The following DNAH7 variants were observed in gnomAD, a reference collection of about 807,000 sequenced individuals.
The protein encoded by DNAH7 is axonemal beta dynein heavy chain 7.
Under a neutral mutation model 444.6 loss-of-function variants are expected in DNAH7, and 397 were observed. That is an observed-to-expected ratio of 0.89 (90% CI 0.82 to 0.97). DNAH7 has a LOEUF of 0.97. DNAH7 is among the 50% of genes least tolerant of loss of function. The probability of loss-of-function intolerance (pLI) is 0.00; values close to 1 mark genes in which losing one functional copy is unlikely to be tolerated. For synonymous variants in DNAH7, 1,636 were observed against 1,624.4 expected (o/e 1.01, Z -0.17); for missense variants, 4,902 against 4,800.8 (o/e 1.02, Z -0.62).
chr2:195,820,454 A>C (rs1306996131), intron 49 of DNAH7, among the ~76,000 whole-genome samples: 1 of 150,726 alleles, frequency 6.6e-6, no homozygotes, highest in African/African-American at 2.5e-5. Flanking sequence ...CCAGAACTTA[A>C]AGTAAAATTA....
At chr2:195,847,059 C>CATATATATATAT in intron 46 of DNAH7, among the ~76,000 whole-genome samples, 1 of 139,708 alleles carries the variant, frequency 7.2e-6, no homozygotes. Context: ...TATAAACTCC[C>CATATATATATAT]ATATATATAT....
Position 195,778,669 on chromosome 2 carries a change from T to TATATATAC in DNAH7, c.10879-685_10879-684insGTATATAT, listed in dbSNP as rs1446625777. ...ATATATATATATATATATATATATATACACACACACACATATATATACACA... is the reference window on the plus strand; with the variant it reads ...ATATATATATATATATATATATATATATATATACACACACACACACATATATATACACA... On this transcript the variant is annotated intron_variant, in intron 58 of 64. Transcript: ENST00000312428. Among the ~76,000 whole-genome samples the TATATATAC allele has an allele frequency of 2.2e-4, 14 of 64,064 alleles. 1 individual carries two copies. Among genetic ancestry groups the TATATATAC allele is most frequent in the Non-Finnish European group, 3.2e-4 (12 of 37,460 alleles). The allele number at this position is 64,064 out of a possible 152,430, so 42.0% of individuals were successfully genotyped here.
At chr2:195,899,027 T>C (rs190853542) in intron 28 of DNAH7, among the ~76,000 whole-genome samples, 114 of 152,310 alleles carry the variant, frequency 7.5e-4, no homozygotes, top group Admixed American at 1.4e-3. Context: ...ATAAATGCCA[T>C]ATTCTCACTT....
intron 8 of DNAH7, among the ~76,000 whole-genome samples, chr2:196,021,409 T>C (rs576313756): frequency 6.6e-6 from 1 of 152,278 alleles, no homozygotes; most frequent in East Asian, 1.9e-4. Context: ...ACCACCCCCA[T>C]AAGGCAAATA....
intron 19 of DNAH7, among the ~76,000 whole-genome samples, chr2:195,939,071 T>A (rs1439404539): frequency 6.6e-6 from 1 of 152,084 alleles, no homozygotes; most frequent in Non-Finnish European, 1.5e-5. Context: ...ATAAAAGCCC[T>A]CTCTCAAAAT....
At chr2:196,023,411 G>GA (rs1413160492) in intron 8 of DNAH7, among the ~76,000 whole-genome samples, 2 of 152,156 alleles carry the variant, frequency 1.3e-5, no homozygotes, top group Non-Finnish European at 2.9e-5. Flanking sequence ...GGCAACATAA[G>GA]AACTGCTTAA....
chr2:196,037,448 G>C (rs1231206579), intron 5 of DNAH7, among the ~76,000 whole-genome samples: 1 of 152,024 alleles, frequency 6.6e-6, no homozygotes, highest in Admixed American at 6.6e-5. Flanking sequence ...TAAAAATAAT[G>C]ATCTCAAGAA....
chr2:195,978,659 T>C (rs1262892621), intron 15 of DNAH7, among the ~76,000 whole-genome samples: 1 of 152,136 alleles, frequency 6.6e-6, no homozygotes, highest in African/African-American at 2.4e-5. Context: ...CAAGACCCAG[T>C]GATCTTTCAC....
intron 1 of DNAH7, among the ~76,000 whole-genome samples, chr2:196,066,765 C>T (rs889224242): frequency 3.3e-5 from 5 of 152,152 alleles, no homozygotes; most frequent in Non-Finnish European, 5.9e-5. Context: ...TCAGCAAATA[C>T]GATTTTACCA....
intron 61 of DNAH7, among the ~76,000 whole-genome samples, chr2:195,770,060 ACT>A (rs1431366127): frequency 1.3e-5 from 2 of 152,038 alleles, no homozygotes; most frequent in East Asian, 3.9e-4. Flanking sequence ...ATCATTAACT[ACT>A]CTCTTGCTCA....
chr2:196,011,182 T>G (rs1001508482), intron 10 of DNAH7, among the ~76,000 whole-genome samples: 2 of 152,122 alleles, frequency 1.3e-5, no homozygotes, highest in East Asian at 3.9e-4. Context: ...CACAAAGAAA[T>G]GATAAATGTT....
intron 17 of DNAH7, among the ~76,000 whole-genome samples, chr2:195,964,642 G>A (rs900707326): frequency 6.7e-5 from 10 of 148,594 alleles, no homozygotes; most frequent in Admixed American, 6.1e-4. Context: ...CGAGGCAGGC[G>A]GATCACGAGG....
At chr2:195,804,469 T>C (rs753797241) in intron 54 of DNAH7, among the ~76,000 whole-genome samples, 1 of 152,204 alleles carries the variant, frequency 6.6e-6, no homozygotes, top group Non-Finnish European at 1.5e-5. Flanking sequence ...ACCTAGTTAA[T>C]TGTATCACCA....
chr2:195,848,036 G>C (rs187776375), intron 46 of DNAH7, among the ~76,000 whole-genome samples: 1 of 152,326 alleles, frequency 6.6e-6, no homozygotes, highest in East Asian at 1.9e-4. Flanking sequence ...TAACTGGAGA[G>C]AAAGGAGTTA....
chr2:195,935,346 T>C (rs115968935), intron 20 of DNAH7, among the ~76,000 whole-genome samples: 1 of 152,152 alleles, frequency 6.6e-6, no homozygotes, highest in Non-Finnish European at 1.5e-5. Context: ...CAATAACCCG[T>C]TGCATTCATC....
intron 29 of DNAH7, among the ~76,000 whole-genome samples, chr2:195,896,996 T>C (rs568393620): frequency 2.0e-5 from 3 of 152,268 alleles, no homozygotes; most frequent in Admixed American, 6.5e-5. Flanking sequence ...TATCTGGAAA[T>C]ATGTAACACA....
Position 195,809,871 on chromosome 2 carries a change from C to A in DNAH7, c.9762G>T (p.Arg3254Ser). 6.5e-7 allele frequency: 1 copy of A among 1,543,870 alleles called. No homozygotes were observed. Among genetic ancestry groups the A allele is most frequent in the South Asian group, 1.3e-5 (1 of 77,736 alleles). ...TAAAGTGATCCTTGAGAATCTGAAG[C>A]CTAAGGGTCAACAGAAAATAAAGGA... ...NSEKSEILAK[R>S]LQILKDHFTY... is the part of the protein sequence containing the mutation. Residue 3254 changes from arginine to serine, a missense_variant and splice_region_variant, in exon 52 of 65, where the codon AGG (arginine) becomes AGT (serine). Arg to Ser is a moderately radical substitution (Grantham distance 110). Coordinates refer to ENST00000312428, the MANE Select transcript of DNAH7 (RefSeq NM_018897.3).
chr2:195,812,629 C>A (rs1048875882), intron 51 of DNAH7, among the ~76,000 whole-genome samples: 5 of 152,130 alleles, frequency 3.3e-5, no homozygotes, highest in African/African-American at 1.2e-4. Flanking sequence ...ATAATACATT[C>A]TTGGTACCAT....
At chr2:195,778,733 C>CATATATATACCCATATATATATACACAT (rs1553518263) in intron 58 of DNAH7, among the ~76,000 whole-genome samples, 31 of 117,196 alleles carry the variant, frequency 2.6e-4, no homozygotes, top group African/African-American at 1.0e-3. Flanking sequence ...TATATATACA[C>CATATATATACCCATATATATATACACAT]ATATATATAT....
Sources: gnomAD v4.1 joint callset for allele counts (sites outside exome capture counted in the v4.1 genomes callset) on GRCh38, gnomAD v4.1.1 for gene constraint, MANE v1.5 for transcripts, NCBI Gene and HGNC (gene_info 2026-07-23, HGNC 2026-07-21) for gene names.